UBR4: variants seen among roughly 807,000 people sequenced by gnomAD.
UBR4 encodes the protein ubiquitin protein ligase E3 component n-recognin 4, also known as E3 ubiquitin-protein ligase UBR4.
In UBR4, 124 loss-of-function variants were observed where a neutral mutation model predicts 575.6. The ratio of observed to expected loss-of-function variants is 0.22; its 90% CI spans 0.19 to 0.25. The LOEUF is 0.25. UBR4 is among the 10% of genes least tolerant of loss of function. The pLI, the probability that UBR4 is intolerant of heterozygous loss-of-function variation, is 1.00. For missense variants in UBR4, 4,818 were observed against 6,478.8 expected, an observed-to-expected ratio of 0.74 and a Z score of 8.80; for synonymous variants, 2,455 against 2,473.7, an observed-to-expected ratio of 0.99 and a Z score of 0.22.
chr1:19,092,241 G>T (rs2077592598), intron 97 of UBR4, among the ~76,000 whole-genome samples: 2 of 152,126 alleles, frequency 1.3e-5, no homozygotes, highest in Admixed American at 6.5e-5. Flanking sequence ...GTTACCACTG[G>T]GGGAGAGTGG....
chr1:19,074,936 A>T, intron 105 of UBR4, 40 bp from the exon 106 acceptor site: 1 of 1,607,412 alleles, frequency 6.2e-7, no homozygotes, highest in Non-Finnish European at 8.5e-7. Context: ...AGGAGCAGGC[A>T]TACAGCCCCC....
In UBR4 at chr1:19,110,468, G is replaced by C; in HGVS notation, c.11893-4C>G. On this transcript the variant is annotated splice_polypyrimidine_tract_variant and splice_region_variant and intron_variant, in intron 79 of 105. Transcript: ENST00000375254. The surrounding 1 kb of genome is among the most constrained non-coding windows in gnomAD (Gnocchi z 4.5). ...TTTCATACTGCAGGCTACTTGCCTA[G>C]AAGGCAATGGGAAGAGACATGAGTC... 6.2e-7 allele frequency: 1 copy of C among 1,613,964 alleles called. No individual in the cohort carries two copies. The highest frequency in any genetic ancestry group is 1.6e-4 in the Middle Eastern group (1 of 6,062).
At chr1:19,112,447 C>T in intron 78 of UBR4, 77 bp downstream of exon 78, 1 of 1,485,378 alleles carries the variant, frequency 6.7e-7, no homozygotes. Context: ...CTATTCTGTG[C>T]ACTCTCTAAC....
At chr1:19,099,772 TCA>T in intron 89 of UBR4, 95 bp from the exon 90 acceptor site, 1 of 1,064,924 alleles carries the variant, frequency 9.4e-7, no homozygotes, top group Non-Finnish European at 1.4e-6. Flanking sequence ...GGTTGATAAT[TCA>T]CAATTTTTAT....
chr1:19,084,121 A>G (rs941474663), intron 102 of UBR4, among the ~76,000 whole-genome samples: 1 of 152,238 alleles, frequency 6.6e-6, no homozygotes, highest in African/African-American at 2.4e-5. Flanking sequence ...ATGTGGGCAC[A>G]GCTCCGACCT....
intron 49 of UBR4, chr1:19,149,825 A>G (rs1015497338): frequency 2.3e-6 from 3 of 1,284,662 alleles, no homozygotes; most frequent in African/African-American, 1.6e-5. Context: ...AAAAAAAAAA[A>G]GGAAAAAAAT....
At chr1:19,095,497 C>T in intron 93 of UBR4, 48 bp downstream of exon 93, 4 of 1,579,500 alleles carry the variant, frequency 2.5e-6, no homozygotes, top group Non-Finnish European at 2.6e-6. Flanking sequence ...CTTTCACACC[C>T]AGACTTCCAA....
Position 19,157,057 on chromosome 1 carries a change from A to G in UBR4, c.5761-132T>C. The G allele has an allele frequency of 9.7e-7, 1 of 1,033,890 alleles. No homozygotes were observed. Among genetic ancestry groups the G allele is most frequent in the Non-Finnish European group, 1.4e-6 (1 of 731,016 alleles). 64.0% of individuals were successfully genotyped at this position (1,033,890 alleles called of 1,614,324 possible). ...TCTTTACAGATAAGTCTAGTAGAAA[A>G]TCCTAGATCAGTATTAGTCTCTATT... On this transcript the variant is annotated intron_variant, in intron 40 of 105. Coordinates refer to ENST00000375254, the MANE Select transcript of UBR4 (RefSeq NM_020765.3). This position sits in a 1 kb window ranked among gnomAD's most constrained non-coding sequence, Gnocchi z 4.4.
chr1:19,187,209 T>A lies in UBR4; in HGVS notation c.1587A>T (p.Pro529=). Residue 529 remains proline, a synonymous_variant, in exon 13 of 106, where the codon CCA becomes CCT. Transcript: ENST00000375254. The part of the protein sequence containing the change: ...QRIQRLIDSV[P]LMNLLLTLLS... ...GTAACGTCAAGAGCAGGTTCATCAG[T>A]GGGACAGAGTCAATCAGCCGTTGAA... is the stretch of plus-strand genomic sequence containing the variant. 6.2e-7 allele frequency: 1 copy of A among 1,613,730 alleles called. No homozygotes were observed. The highest frequency in any genetic ancestry group is 8.5e-7 in the Non-Finnish European group (1 of 1,179,800).
rs1380184187 is a variant in UBR4, at chr1:19,200,239, C to T, written c.275-485G>A. Among the ~76,000 whole-genome samples, 5 of 148,968 alleles carry T rather than the reference C, an allele frequency of 3.4e-5. No individual in the cohort carries two copies. In the East Asian group the frequency reaches 9.8e-4, roughly 29 times the overall value. On this transcript the variant is annotated intron_variant, in intron 2 of 105. Coordinates refer to ENST00000375254, the MANE Select transcript of UBR4 (RefSeq NM_020765.3). ...ATTGTCTTAGGTCACACAAAAAATA[C>T]ACTAACAGTAACAATAGCTGATGAG...
At position 19,155,516 on chromosome 1, in the gene UBR4, C is replaced by T. The variant is rs1465416744; in HGVS notation, c.6225G>A (p.Met2075Ile). The T allele has an allele frequency of 6.2e-7, 1 of 1,614,136 alleles. No individual in the cohort carries two copies. Among genetic ancestry groups the T allele is most frequent in the Non-Finnish European group, 8.5e-7 (1 of 1,180,012 alleles). Reference protein sequence around the residue: ...SSAGYIYTQLMEEASSAQQGP... With the variant: ...SSAGYIYTQLIEEASSAQQGP... ...CCTGCTGGGCACTGCTGGCCTCTTCCATAAGCTGAGTATAGATGTACCCAG... is the reference window on the plus strand; with the variant it reads ...CCTGCTGGGCACTGCTGGCCTCTTCTATAAGCTGAGTATAGATGTACCCAG... Residue 2075 changes from methionine to isoleucine, a missense_variant, in exon 43 of 106, where the codon ATG becomes ATA. Around this residue, in one of 29 missense-constraint regions of UBR4, gnomAD observed 461 missense variants for 606.9 expected, o/e 0.76. Coordinates refer to ENST00000375254, the MANE Select transcript of UBR4 (RefSeq NM_020765.3).
intron 49 of UBR4, 65 bp from the exon 50 acceptor site, chr1:19,148,691 G>A (rs2085223751): frequency 6.3e-7 from 1 of 1,576,364 alleles, no homozygotes; most frequent in Non-Finnish European, 8.7e-7. Context: ...TTTAGCCTAA[G>A]CAAACTATAG....
intron 90 of UBR4, among the ~76,000 whole-genome samples, chr1:19,098,144 A>G (rs963028026): frequency 3.9e-5 from 6 of 152,214 alleles, no homozygotes; most frequent in East Asian, 1.9e-4. Flanking sequence ...AGGACAGGAC[A>G]CCCTGGAGGA....
Position 19,113,753 on chromosome 1 carries a change from C to T in UBR4, c.11403G>A (p.Gln3801=), listed in dbSNP as rs531087410. 5.0e-6 allele frequency: 8 copies of T among 1,614,222 alleles called. No individual in the cohort carries two copies. The South Asian group carries it at 5.5e-5, about 11-fold the overall frequency. ...AGTTCTTGCAGTCTCCACAATACTC[C>T]TGAGCCAACTGCAGGATGTAACGAT... The part of the protein sequence containing the change: ...SVNRYILQLA[Q]EYCGDCKNSF... The change falls in exon 77 of 106, where the codon CAG becomes CAA. Residue 3801 remains glutamine (Q), a synonymous_variant. Coordinates refer to ENST00000375254, the MANE Select transcript of UBR4 (RefSeq NM_020765.3).
At position 19,157,515 on chromosome 1, in the gene UBR4, G is replaced by T. The variant is rs187501103; in HGVS notation, c.5760+300C>A. Among the ~76,000 whole-genome samples the T allele has an allele frequency of 3.0e-3, 464 of 152,346 alleles. 2 individuals carry two copies. Among genetic ancestry groups the T allele is most frequent in the African/African-American group, 0.011 (452 of 41,582 alleles). On this transcript the variant is annotated intron_variant, in intron 40 of 105. Coordinates refer to ENST00000375254, the MANE Select transcript of UBR4 (RefSeq NM_020765.3). The surrounding 1 kb of genome is among the most constrained non-coding windows in gnomAD (Gnocchi z 4.4). The stretch of plus-strand genomic sequence containing the variant: ...GAGTGACCAAACAGGGCAAGACTGG[G>T]AGCCAAGCCGTCCTCGGTAACTGCT...
chr1:19,105,323 C>T, intron 84 of UBR4, 134 bp from the exon 85 acceptor site: 1 of 1,102,062 alleles, frequency 9.1e-7, no homozygotes, highest in Non-Finnish European at 1.3e-6. Flanking sequence ...GGTGGAGGAA[C>T]AGCATCCAAG....
intron 50 of UBR4, among the ~76,000 whole-genome samples, 175 bp downstream of exon 50, chr1:19,148,388 G>A (rs1422678380): frequency 6.6e-6 from 1 of 152,238 alleles, no homozygotes; most frequent in Non-Finnish European, 1.5e-5. Flanking sequence ...CGCTCACTAT[G>A]GGCCCGAAAA....
Position 19,187,262 on chromosome 1 carries a change from T to C in UBR4, c.1534A>G (p.Met512Val), listed in dbSNP as rs1250313833. The C allele has an allele frequency of 6.2e-7, 1 of 1,613,916 alleles. No homozygotes were observed. The highest frequency in any genetic ancestry group is 1.1e-5 in the South Asian group (1 of 91,074). The change falls in exon 13 of 106, where the codon ATG becomes GTG. Residue 512 changes from methionine to valine, a missense_variant. By Grantham distance (21) the Met-to-Val change is conservative. Transcript: ENST00000375254. ...CTCTGTATGGAGGTGCTCTGGGCCA[T>C]AATGCTCAAGGCTGCAGGGGGGCCA... ...TDGPPAALSI[M>V]AQSTSIQRIQ...
chr1:19,095,679 A>C (rs2148932280), intron 92 of UBR4, 27 bp from the exon 93 acceptor site: 1 of 1,605,308 alleles, frequency 6.2e-7, no homozygotes, highest in Non-Finnish European at 8.5e-7. Flanking sequence ...GTCAAAACCC[A>C]TGAGGCCACA....
Sources: allele counts gnomAD v4.1 joint callset (sites outside exome capture counted in the v4.1 genomes callset), GRCh38; gene constraint gnomAD v4.1.1; regional missense constraint gnomAD v4.1.1; non-coding constraint Gnocchi (gnomAD v3.1); transcripts MANE v1.5; gene names NCBI Gene and HGNC (gene_info 2026-07-23, HGNC 2026-07-21).